The following DPP10 variants were observed in gnomAD, a reference collection of about 807,000 sequenced individuals.
DPP10 encodes the protein dipeptidyl peptidase like 10, also known as inactive dipeptidyl peptidase 10.
A neutral mutation model predicts 120.9 loss-of-function variants in DPP10; 33 were observed. That is an observed-to-expected ratio of 0.27 (90% confidence interval 0.21 to 0.37). The LOEUF (loss-of-function observed/expected upper bound fraction) is 0.37. DPP10 is among the 10% of genes least tolerant of loss of function. The pLI, the probability that DPP10 is intolerant of heterozygous loss-of-function variation, is 1.00. For synonymous variants in DPP10, 337 were observed against 326.1 expected (o/e 1.03, Z -0.36); for missense variants, 816 against 942.8 (o/e 0.87, Z 1.76).
At chr2:114,907,778 C>T (rs1251343861) in intron 1 of DPP10, among the ~76,000 whole-genome samples, 2 of 151,992 alleles carry the variant, frequency 1.3e-5, no homozygotes, top group African/African-American at 2.4e-5. Flanking sequence ...TTAATGGCTT[C>T]GGTGTTCAGT....
At chr2:115,621,213 C>T (rs1473796167) in intron 5 of DPP10, among the ~76,000 whole-genome samples, 3 of 152,140 alleles carry the variant, frequency 2.0e-5, no homozygotes, top group African/African-American at 7.2e-5. Flanking sequence ...TTTTTGGATA[C>T]TATTGCCAAT....
At chr2:115,466,448 T>A (rs935407287) in intron 3 of DPP10, among the ~76,000 whole-genome samples, 4 of 152,182 alleles carry the variant, frequency 2.6e-5, no homozygotes, top group Non-Finnish European at 4.4e-5. Flanking sequence ...AAAACTAGTC[T>A]GATTTGATGT....
chr2:114,479,791 G>T (rs191046406), intron 1 of DPP10, among the ~76,000 whole-genome samples: 71 of 152,206 alleles, frequency 4.7e-4, no homozygotes, highest in African/African-American at 1.6e-3. Flanking sequence ...TACCATTCAG[G>T]ACATAGGCAT....
intron 13 of DPP10, among the ~76,000 whole-genome samples, chr2:115,770,693 A>C (rs1444398323): frequency 1.3e-5 from 2 of 152,128 alleles, no homozygotes; most frequent in Non-Finnish European, 2.9e-5. Context: ...GCTAACAAAA[A>C]AGCTATTTAT....
intron 1 of DPP10, among the ~76,000 whole-genome samples, chr2:115,132,240 G>T (rs2050399978): frequency 6.6e-6 from 1 of 152,130 alleles, no homozygotes; most frequent in Admixed American, 6.5e-5. Context: ...CAAGGTTTCT[G>T]TTATGTAGAT....
chr2:114,897,791 C>T (rs1253787786), intron 1 of DPP10, among the ~76,000 whole-genome samples: 7 of 152,178 alleles, frequency 4.6e-5, no homozygotes, highest in Non-Finnish European at 1.0e-4. Context: ...ATCAAAACCA[C>T]AATGAGATAT....
At chr2:115,448,249 T>C (rs555389857) in intron 3 of DPP10, among the ~76,000 whole-genome samples, 2 of 152,228 alleles carry the variant, frequency 1.3e-5, no homozygotes, top group Non-Finnish European at 2.9e-5. Context: ...AGACTCGGGA[T>C]AGAGAAAGAA....
chr2:114,664,626 C>CA (rs374561367), intron 1 of DPP10, among the ~76,000 whole-genome samples: 3,024 of 80,742 alleles, frequency 0.037, 116 homozygotes, highest in Non-Finnish European at 0.06. Context: ...GACTCCGTCT[C>CA]AAAAAAAAAA....
At chr2:115,691,756 G>A (rs942538057) in intron 7 of DPP10, among the ~76,000 whole-genome samples, 12 of 151,712 alleles carry the variant, frequency 7.9e-5, no homozygotes, top group Non-Finnish European at 1.5e-4. Flanking sequence ...GTCTATTTTG[G>A]GAAATTAACA....
At chr2:115,303,174 A>G (rs565211853) in intron 1 of DPP10, among the ~76,000 whole-genome samples, 12 of 151,892 alleles carry the variant, frequency 7.9e-5, no homozygotes, top group Non-Finnish European at 1.6e-4. Context: ...TATTTTTTTC[A>G]GACATACTAT....
At chr2:115,232,437 GTT>G (rs1371326348) in intron 1 of DPP10, among the ~76,000 whole-genome samples, 1 of 152,106 alleles carries the variant, frequency 6.6e-6, no homozygotes, top group Non-Finnish European at 1.5e-5. Flanking sequence ...TCACCTTTCT[GTT>G]TAATTATTTT....
intron 1 of DPP10, among the ~76,000 whole-genome samples, chr2:114,482,819 G>C (rs1681177309): frequency 6.6e-6 from 1 of 152,128 alleles, no homozygotes; most frequent in African/African-American, 2.4e-5. Flanking sequence ...TTGTTGAGTT[G>C]TATTTGAAGT....
At chr2:115,140,517 A>G (rs1300206928) in intron 1 of DPP10, among the ~76,000 whole-genome samples, 1 of 152,192 alleles carries the variant, frequency 6.6e-6, no homozygotes, top group African/African-American at 2.4e-5. Flanking sequence ...TTTTGAGTAG[A>G]GTGATGTGAT....
intron 1 of DPP10, among the ~76,000 whole-genome samples, chr2:114,603,603 A>T (rs1229560785): frequency 6.6e-6 from 1 of 152,036 alleles, no homozygotes; most frequent in Non-Finnish European, 1.5e-5. Flanking sequence ...GGAAGTTTTC[A>T]CCCTGGCTCC....
At chr2:114,907,421 A>T (rs1694056302) in intron 1 of DPP10, among the ~76,000 whole-genome samples, 1 of 151,936 alleles carries the variant, frequency 6.6e-6, no homozygotes, top group African/African-American at 2.4e-5. Context: ...CTCTTTTTTA[A>T]ATATAGAATT....
At chr2:115,582,732 A>G (rs572221971) in intron 5 of DPP10, among the ~76,000 whole-genome samples, 22 of 152,290 alleles carry the variant, frequency 1.4e-4, no homozygotes, top group African/African-American at 2.9e-4. Context: ...TTTATTATTA[A>G]TAACCCAGTG....
chr2:115,766,094 A>C (rs1243706382), intron 12 of DPP10, among the ~76,000 whole-genome samples: 4 of 151,852 alleles, frequency 2.6e-5, no homozygotes, highest in Admixed American at 6.6e-5. Flanking sequence ...TGCAGTAGTG[A>C]AAAATACAAG....
intron 5 of DPP10, among the ~76,000 whole-genome samples, chr2:115,632,057 T>A (rs2085917746): frequency 6.6e-6 from 1 of 152,182 alleles, no homozygotes; most frequent in South Asian, 2.1e-4. Flanking sequence ...AGTCTCTTTG[T>A]AGGTCTCTAA....
At chr2:115,359,237 T>C (rs536974016) in intron 3 of DPP10, among the ~76,000 whole-genome samples, 1 of 152,296 alleles carries the variant, frequency 6.6e-6, no homozygotes, top group Non-Finnish European at 1.5e-5. Context: ...CTGTGAACTA[T>C]GCATGTGTGT....
Sources: gnomAD v4.1 joint callset for allele counts (sites outside exome capture counted in the v4.1 genomes callset) on GRCh38, gnomAD v4.1.1 for gene constraint, MANE v1.5 for transcripts, NCBI Gene and HGNC (gene_info 2026-07-23, HGNC 2026-07-21) for gene names.